The following CNTN3 variants were observed in gnomAD, a reference collection of about 807,000 sequenced individuals.
CNTN3 encodes the protein contactin-3.
A neutral mutation model predicts 119.1 loss-of-function variants in CNTN3; 60 were observed. The ratio of observed to expected loss-of-function variants is 0.50; its 90% CI spans 0.41 to 0.62. The LOEUF (loss-of-function observed/expected upper bound fraction) is 0.62. Among genes scored for constraint, CNTN3 ranks in the 20% least tolerant of loss-of-function variants. CNTN3 has a pLI of 0.00. For synonymous variants in CNTN3, 450 were observed against 438.7 expected (o/e 1.03, Z -0.32); for missense variants, 1,101 against 1,242.4 (o/e 0.89, Z 1.71).
chr3:74,496,674 A>G (rs531621016), intron 3 of CNTN3, among the ~76,000 whole-genome samples: 14 of 152,192 alleles, frequency 9.2e-5, no homozygotes, highest in African/African-American at 3.4e-4. Context: ...AATATTTCCC[A>G]TTTAGAAAAA....
At chr3:74,429,983 C>G (rs1168513543) in intron 4 of CNTN3, among the ~76,000 whole-genome samples, 1 of 152,176 alleles carries the variant, frequency 6.6e-6, no homozygotes, top group Non-Finnish European at 1.5e-5. Flanking sequence ...AAAACAGTGA[C>G]AGCACTAAAT....
intron 4 of CNTN3, among the ~76,000 whole-genome samples, chr3:74,473,190 A>T (rs1043065221): frequency 6.6e-6 from 1 of 151,690 alleles, no homozygotes; most frequent in African/African-American, 2.4e-5. Context: ...GCGAAAAAAA[A>T]AAACAGGGAA....
At chr3:74,547,356 C>T (rs546173012) in intron 1 of CNTN3, among the ~76,000 whole-genome samples, 6 of 152,252 alleles carry the variant, frequency 3.9e-5, no homozygotes, top group South Asian at 2.1e-4. Context: ...TCCAATGTTT[C>T]GATAGCCGTC....
intron 1 of CNTN3, among the ~76,000 whole-genome samples, chr3:74,552,963 T>G (rs1433581098): frequency 4.6e-5 from 7 of 152,196 alleles, no homozygotes; most frequent in Non-Finnish European, 7.3e-5. Context: ...GTACTTTAAG[T>G]TATGAGTTAC....
In CNTN3 at chr3:74,348,272, T is replaced by C. The variant is rs1055490320; in HGVS notation, c.1365-11614A>G. Among the ~76,000 whole-genome samples, 5 of 152,248 alleles carry C rather than the reference T, an allele frequency of 3.3e-5. No homozygotes were observed. In the East Asian group the frequency reaches 9.6e-4, roughly 29 times the overall value. ...CTTGATTGTGGTATTGACTTCACAA[T>C]GTATACATATATCAAAATATTACCT... On this transcript the variant is annotated intron_variant, in intron 11 of 22. Coordinates refer to ENST00000263665, the MANE Select transcript of CNTN3 (RefSeq NM_020872.3).
intron 20 of CNTN3, 91 bp from the exon 21 acceptor site, chr3:74,267,469 G>T: frequency 1.2e-6 from 1 of 864,792 alleles, no homozygotes. Context: ...GGAAGCTAGT[G>T]GAAGTAGAAC....
intron 1 of CNTN3, among the ~76,000 whole-genome samples, chr3:74,589,086 A>G (rs1373301529): frequency 6.6e-6 from 1 of 150,940 alleles, no homozygotes; most frequent in Non-Finnish European, 1.5e-5. Flanking sequence ...CAATGGCAAC[A>G]AAAGCCAAAA....
At chr3:74,508,151 C>T (rs1703298612) in intron 2 of CNTN3, among the ~76,000 whole-genome samples, 1 of 152,082 alleles carries the variant, frequency 6.6e-6, no homozygotes, top group Non-Finnish European at 1.5e-5. Context: ...GACAGTTTCC[C>T]CATGCTGTTC....
At chr3:74,322,898 C>T (rs1703030978) in intron 13 of CNTN3, among the ~76,000 whole-genome samples, 1 of 152,136 alleles carries the variant, frequency 6.6e-6, no homozygotes, top group African/African-American at 2.4e-5. Flanking sequence ...TTTGAAAAGG[C>T]TATATACTAT....
rs1406548024 is a variant in CNTN3 at position 74,397,013 on chromosome 3, T to C, written c.455-25614A>G. On this transcript the variant is annotated intron_variant, in intron 5 of 22. Coordinates refer to ENST00000263665, the MANE Select transcript of CNTN3 (RefSeq NM_020872.3). Reference sequence around the variant, plus strand: ...CCTTCTCTTGGAAGAAGATGTGATCTAGGACTTTTATAGCCAGAGATGAGA... The same window carrying C: ...CCTTCTCTTGGAAGAAGATGTGATCCAGGACTTTTATAGCCAGAGATGAGA... Among the ~76,000 whole-genome samples the C allele has an allele frequency of 2.6e-5, 4 of 152,190 alleles. No homozygotes were observed. The South Asian group carries it at 6.2e-4, about 24-fold the overall frequency.
Position 74,270,219 on chromosome 3 carries a change from G to T in CNTN3, c.2705-2841C>A, listed in dbSNP as rs145565831. 2.9e-3 allele frequency among the ~76,000 whole-genome samples: 442 copies of T among 152,206 alleles called. 1 individual carries two copies. The highest frequency in any genetic ancestry group is 1.0e-2 in the African/African-American group (415 of 41,532). ...ATAGGCATAATTCTCCTTCTCATTGGCATCCCATAGATATGGGACTTCACC... is the reference window on the plus strand; with the variant it reads ...ATAGGCATAATTCTCCTTCTCATTGTCATCCCATAGATATGGGACTTCACC... On this transcript the variant is annotated intron_variant, in intron 20 of 22. Coordinates refer to ENST00000263665, the MANE Select transcript of CNTN3 (RefSeq NM_020872.3).
intron 4 of CNTN3, among the ~76,000 whole-genome samples, chr3:74,449,581 A>G (rs1702109914): frequency 6.6e-6 from 1 of 152,136 alleles, no homozygotes; most frequent in Non-Finnish European, 1.5e-5. Context: ...TATAAAAATA[A>G]GAAACAGATA....
At chr3:74,331,074 T>C (rs561699860) in intron 13 of CNTN3, among the ~76,000 whole-genome samples, 78 of 152,254 alleles carry the variant, frequency 5.1e-4, no homozygotes, top group African/African-American at 1.7e-3. Flanking sequence ...GTATCCTAAG[T>C]GTACAGTGTT....
intron 8 of CNTN3, among the ~76,000 whole-genome samples, chr3:74,366,780 GTA>G (rs59223804): frequency 0.42 from 26,601 of 63,938 alleles, 4,553 homozygotes; most frequent in Middle Eastern, 0.52. Flanking sequence ...GTGTGTGTGT[GTA>G]TATATATATA....
chr3:74,387,085 T>G (rs1309549471), intron 5 of CNTN3, among the ~76,000 whole-genome samples: 1 of 152,202 alleles, frequency 6.6e-6, no homozygotes, highest in African/African-American at 2.4e-5. Context: ...TGTGCTTTGT[T>G]GACAGTAAGA....
At chr3:74,534,551 T>C (rs1703736342) in intron 1 of CNTN3, among the ~76,000 whole-genome samples, 1 of 152,056 alleles carries the variant, frequency 6.6e-6, no homozygotes, top group South Asian at 2.1e-4. Context: ...AGATGCTGTA[T>C]GTAGAGTTTT....
intron 4 of CNTN3, among the ~76,000 whole-genome samples, chr3:74,475,425 G>A (rs1702637027): frequency 6.6e-6 from 1 of 152,144 alleles, no homozygotes; most frequent in Admixed American, 6.5e-5. Context: ...TTGGTAACCT[G>A]GTAGCTTAGG....
At position 74,575,753 on chromosome 3, in the gene CNTN3, T is replaced by C. The variant is rs536537501; in HGVS notation, c.-81+38638A>G. Among the ~76,000 whole-genome samples, 26 of 152,156 alleles carry C rather than the reference T, an allele frequency of 1.7e-4. 1 individual carries two copies. Among genetic ancestry groups the C allele is most frequent in the African/African-American group, 6.0e-4 (25 of 41,522 alleles). ...TTTCCCTCATCTCTTTCATTTTTCA[T>C]AGTGGCTGTCTTAAACCATGTGAAA... On this transcript the variant is annotated intron_variant, in intron 1 of 22. Coordinates refer to ENST00000263665, the MANE Select transcript of CNTN3 (RefSeq NM_020872.3).
Position 74,424,904 on chromosome 3 carries a change from A to G in CNTN3, c.395T>C (p.Val132Ala), listed in dbSNP as rs750530660. ...ENFKTKMRST[V>A]SVREGQGVVL... ...AACTCCCTGGCCTTCACGCACAGACACTGTACTCCTCATTTTGGTTTTAAA... is the reference window on the plus strand; with the variant it reads ...AACTCCCTGGCCTTCACGCACAGACGCTGTACTCCTCATTTTGGTTTTAAA... Residue 132 changes from valine to alanine, a missense_variant, in exon 5 of 23, where the codon GTG (valine) becomes GCG (alanine). By Grantham distance (64) the Val-to-Ala change is moderately conservative. Transcript: ENST00000263665. 2.9e-5 allele frequency: 47 copies of G among 1,612,494 alleles called. No homozygotes were observed. The highest frequency in any genetic ancestry group is 1.6e-4 in the Middle Eastern group (1 of 6,074).
Sources: allele counts gnomAD v4.1 joint callset (sites outside exome capture counted in the v4.1 genomes callset), GRCh38; gene constraint gnomAD v4.1.1; transcripts MANE v1.5; gene names NCBI Gene and HGNC (gene_info 2026-07-23, HGNC 2026-07-21).